Variants in LPA observed in about 807,000 individuals in gnomAD.
The protein encoded by LPA is lipoprotein(a).
A neutral mutation model predicts 197.9 loss-of-function variants in LPA; 199 were observed. That is an observed-to-expected ratio of 1.01 (90% CI 0.90 to 1.13). The LOEUF is 1.13. LPA is among the 50% of genes most tolerant of loss of function. The pLI, the probability that LPA is intolerant of heterozygous loss-of-function variation, is 0.00. For synonymous variants in LPA, 715 were observed against 639.5 expected (o/e 1.12, Z -1.78); for missense variants, 1,853 against 1,785.8 (o/e 1.04, Z -0.68).
At chr6:160,611,340 C>T (rs1024346024) in intron 16 of LPA, among the ~76,000 whole-genome samples, 2 of 152,076 alleles carry the variant, frequency 1.3e-5, no homozygotes, top group African/African-American at 2.4e-5. Flanking sequence ...CTCCTCGCCT[C>T]CTCATTTCCC....
chr6:160,634,654 C>G, intron 7 of LPA, among the ~76,000 whole-genome samples: 1 of 151,314 alleles, frequency 6.6e-6, no homozygotes. Flanking sequence ...GCTCCATAGA[C>G]CCAGGACCAT....
At chr6:160,575,231 C>T (rs1055055202) in intron 28 of LPA, among the ~76,000 whole-genome samples, 36 of 152,120 alleles carry the variant, frequency 2.4e-4, no homozygotes, top group Middle Eastern at 3.4e-3. Context: ...GCCATCATTG[C>T]TTCAGGCATT....
chr6:160,555,063 GT>G (rs1562319679), intron 30 of LPA, among the ~76,000 whole-genome samples: 1 of 151,782 alleles, frequency 6.6e-6, no homozygotes. Flanking sequence ...CAGAAAGCCA[GT>G]TTTTGTCAGA....
In LPA at chr6:160,577,124, T is replaced by C. The variant is rs1778698545; in HGVS notation, c.4631+12A>G. On this transcript the variant is annotated intron_variant, in intron 28 of 38. Coordinates refer to ENST00000316300, the MANE Select transcript of LPA (RefSeq NM_005577.4). ...GCTGTTGCTCCTCTTATGGTTTTAA[T>C]CAAATACATACGCATTTGGGTAGTT... 1.9e-6 allele frequency: 3 copies of C among 1,612,838 alleles called. No homozygotes were observed. In the East Asian group the frequency reaches 6.7e-5, roughly 36 times the overall value.
In LPA at chr6:160,582,952, T is replaced by C. The variant is rs540507015; in HGVS notation, c.4289+2094A>G. 2.0e-5 allele frequency among the ~76,000 whole-genome samples: 3 copies of C among 152,278 alleles called. No homozygotes were observed. In the South Asian group the frequency reaches 6.2e-4, roughly 32 times the overall value. On this transcript the variant is annotated intron_variant, in intron 26 of 38. Coordinates refer to ENST00000316300, the MANE Select transcript of LPA (RefSeq NM_005577.4). ...TTCTAGTTAGCTTTATCATCTGTACTATCTAATATGATTATAAGGCCATGT... is the reference window on the plus strand; with the variant it reads ...TTCTAGTTAGCTTTATCATCTGTACCATCTAATATGATTATAAGGCCATGT...
chr6:160,540,633 G>C (rs1162142545), intron 35 of LPA, among the ~76,000 whole-genome samples: 1 of 152,188 alleles, frequency 6.6e-6, no homozygotes, highest in Non-Finnish European at 1.5e-5. Flanking sequence ...TGACATGCCT[G>C]CTCCCACTTT....
chr6:160,646,894 A>T (rs180673592), intron 2 of LPA, among the ~76,000 whole-genome samples: 7 of 149,346 alleles, frequency 4.7e-5, no homozygotes, highest in African/African-American at 1.8e-4. Context: ...AAGGAGGATA[A>T]CCTTTCCAGG....
At chr6:160,572,676 G>T (rs375366534) in intron 28 of LPA, among the ~76,000 whole-genome samples, 1 of 152,072 alleles carries the variant, frequency 6.6e-6, no homozygotes, top group African/African-American at 2.4e-5. Context: ...GCTTACTTTC[G>T]CTGGATACAA....
intron 26 of LPA, among the ~76,000 whole-genome samples, chr6:160,579,841 G>A (rs901175225): frequency 6.6e-6 from 1 of 152,238 alleles, no homozygotes; most frequent in East Asian, 1.9e-4. Flanking sequence ...GACGTATCAA[G>A]TGATGTAGCA....
chr6:160,535,089 T>C (rs962832251), intron 37 of LPA, among the ~76,000 whole-genome samples: 5 of 145,450 alleles, frequency 3.4e-5, no homozygotes, highest in African/African-American at 7.7e-5. Context: ...ATTGTGATGA[T>C]GGTGATAGTG....
At chr6:160,601,945 G>A (rs144378230) in intron 18 of LPA, among the ~76,000 whole-genome samples, 3 of 152,176 alleles carry the variant, frequency 2.0e-5, no homozygotes, top group African/African-American at 7.2e-5. Context: ...TGAAGAGGTC[G>A]GGCAGCTATG....
At chr6:160,595,880 A>T (rs1779123243) in intron 20 of LPA, among the ~76,000 whole-genome samples, 1 of 152,228 alleles carries the variant, frequency 6.6e-6, no homozygotes, top group African/African-American at 2.4e-5. Flanking sequence ...AATGTTGTAC[A>T]ATGTACAAGA....
At chr6:160,575,858 G>C (rs1161684389) in intron 28 of LPA, among the ~76,000 whole-genome samples, 3 of 152,082 alleles carry the variant, frequency 2.0e-5, no homozygotes, top group African/African-American at 7.2e-5. Flanking sequence ...GTGACTTCTA[G>C]GTACATGACT....
At chr6:160,600,722 AC>A (rs1328065817) in intron 19 of LPA, among the ~76,000 whole-genome samples, 194 bp downstream of exon 19, 1 of 152,128 alleles carries the variant, frequency 6.6e-6, no homozygotes, top group African/African-American at 2.4e-5. Context: ...TCCTAAAGAC[AC>A]AGCTCGCACA....
chr6:160,533,261 T>C (rs889515959), intron 37 of LPA, among the ~76,000 whole-genome samples: 1 of 152,188 alleles, frequency 6.6e-6, no homozygotes, highest in African/African-American at 2.4e-5. Context: ...AAATAGTAAC[T>C]CTATGTTGTA....
chr6:160,571,973 T>A (rs1180102158), intron 28 of LPA, among the ~76,000 whole-genome samples: 1 of 152,096 alleles, frequency 6.6e-6, no homozygotes, highest in African/African-American at 2.4e-5. Flanking sequence ...GCCAGCCCAG[T>A]TTTGGGCTTG....
intron 32 of LPA, among the ~76,000 whole-genome samples, chr6:160,546,086 G>A (rs1456648777): frequency 2.6e-5 from 4 of 152,138 alleles, no homozygotes; most frequent in African/African-American, 7.2e-5. Context: ...AGTTTCCTGG[G>A]TGAAGGGAGC....
At position 160,594,051 on chromosome 6, in the gene LPA, G is replaced by T. The variant is rs949983556; in HGVS notation, c.3536C>A (p.Ser1179Ter). ...CCTTCCTGTGACAGTGGTAGAGAAT[G>T]AGCCTCGATAACTCTGTCCATCACC... ...YHGDGQSYRGSFSTTVTGRTC... is the reference protein window; with the variant it reads ...YHGDGQSYRG Residue 1179 changes from serine (S) to a stop codon, truncating the protein, a stop_gained, in exon 22 of 39, where the codon TCA becomes TAA. Coordinates refer to ENST00000316300, the MANE Select transcript of LPA (RefSeq NM_005577.4). LOFTEE classifies it high-confidence loss of function. 5 of 1,613,866 alleles carry T rather than the reference G, an allele frequency of 3.1e-6. No homozygotes were observed. The highest frequency in any genetic ancestry group is 4.2e-6 in the Non-Finnish European group (5 of 1,179,884).
At chr6:160,536,994 G>A (rs1452498429) in intron 37 of LPA, among the ~76,000 whole-genome samples, 2 of 152,188 alleles carry the variant, frequency 1.3e-5, no homozygotes, top group South Asian at 2.1e-4. Flanking sequence ...GTGGTACAAA[G>A]AGGTAACGTG....
Sources: gnomAD v4.1 joint callset for allele counts (sites outside exome capture counted in the v4.1 genomes callset) on GRCh38, gnomAD v4.1.1 for gene constraint, MANE v1.5 for transcripts, NCBI Gene and HGNC (gene_info 2026-07-23, HGNC 2026-07-21) for gene names.